COL23A1: variants seen among roughly 807,000 people sequenced by gnomAD.
The protein encoded by COL23A1 is collagen type XXIII alpha 1 chain, also known as collagen alpha-1(XXIII) chain.
COL23A1 carries 97 observed loss-of-function variants against 99.3 expected under a neutral mutation model. The observed-to-expected ratio is 0.98, with a 90% CI of 0.83 to 1.16. The LOEUF is 1.16. Among genes scored for constraint, COL23A1 ranks in the 50% most tolerant of loss-of-function variants. The pLI, the probability that COL23A1 is intolerant of heterozygous loss-of-function variation, is 0.00. For synonymous variants in COL23A1, 320 were observed against 308.2 expected, an observed-to-expected ratio of 1.04 and a Z score of -0.40; for missense variants, 762 against 757.4, an observed-to-expected ratio of 1.01 and a Z score of -0.07.
At chr5:178,558,828 A>G (rs577103415) in intron 2 of COL23A1, among the ~76,000 whole-genome samples, 9 of 150,764 alleles carry the variant, frequency 6.0e-5, no homozygotes, top group Admixed American at 3.3e-4. Flanking sequence ...TCGCTCTGTC[A>G]CCCAGGCTGG....
At chr5:178,452,784 C>A (rs967438853) in intron 2 of COL23A1, among the ~76,000 whole-genome samples, 6 of 152,130 alleles carry the variant, frequency 3.9e-5, no homozygotes, top group African/African-American at 1.4e-4. Context: ...AGATCCAATA[C>A]CTGTTAATAC....
rs73344870 is a variant in COL23A1 at position 178,320,670 on chromosome 5, C to A, written c.362-13751G>T. 4.7e-3 allele frequency among the ~76,000 whole-genome samples: 722 copies of A among 152,346 alleles called. 5 individuals are homozygous for A. Among genetic ancestry groups the A allele is most frequent in the African/African-American group, 0.016 (671 of 41,580 alleles). On this transcript the variant is annotated intron_variant, in intron 2 of 28. Transcript: ENST00000390654. ...AGTTCCCACGCATCCTTGCCTCGCACCCCAGGGGACTTGGGGTGATTCATG... is the reference window on the plus strand; with the variant it reads ...AGTTCCCACGCATCCTTGCCTCGCAACCCAGGGGACTTGGGGTGATTCATG...
intron 2 of COL23A1, among the ~76,000 whole-genome samples, chr5:178,386,008 G>A (rs535592447): frequency 6.6e-6 from 1 of 152,306 alleles, no homozygotes; most frequent in Admixed American, 6.5e-5. Context: ...AAGGCAGAGT[G>A]CATAGAATTT....
chr5:178,426,868 C>T (rs1765967642), intron 2 of COL23A1, among the ~76,000 whole-genome samples: 1 of 152,222 alleles, frequency 6.6e-6, no homozygotes, highest in Non-Finnish European at 1.5e-5. Flanking sequence ...ACGAGAGACG[C>T]TGCCCATCAT....
At chr5:178,367,063 C>T (rs1762522308) in intron 2 of COL23A1, among the ~76,000 whole-genome samples, 1 of 152,232 alleles carries the variant, frequency 6.6e-6, no homozygotes, top group African/African-American at 2.4e-5. Context: ...GGGTTTTGGG[C>T]TGACTGCTGA....
intron 2 of COL23A1, among the ~76,000 whole-genome samples, chr5:178,361,690 C>T (rs181928064): frequency 3.3e-5 from 5 of 152,174 alleles, no homozygotes; most frequent in African/African-American, 1.2e-4. Flanking sequence ...CCTGACGGCT[C>T]CCAATTCTTC....
chr5:178,243,922 C>T (rs1003003025), intron 25 of COL23A1, among the ~76,000 whole-genome samples: 2 of 152,198 alleles, frequency 1.3e-5, no homozygotes, highest in African/African-American at 4.8e-5. Flanking sequence ...AACCCAGCAC[C>T]CCCGTCAGAA....
At chr5:178,379,303 G>A (rs369975385) in intron 2 of COL23A1, among the ~76,000 whole-genome samples, 4 of 152,106 alleles carry the variant, frequency 2.6e-5, no homozygotes, top group Admixed American at 6.6e-5. Context: ...ACTGTTGACC[G>A]TAGATGCTAG....
In COL23A1 at chr5:178,586,172, G is replaced by A. The variant is rs114654230; in HGVS notation, c.294+3732C>T. ...CTGACAGACCCAGGATGCGCTGACC[G>A]TCTTCCAAGCTTCTCCTGTAGTGTG... On this transcript the variant is annotated intron_variant, in intron 1 of 28. Transcript: ENST00000390654. Among the ~76,000 whole-genome samples the A allele has an allele frequency of 1.6e-3, 251 of 152,314 alleles. 1 individual carries two copies. The highest frequency in any genetic ancestry group is 5.6e-3 in the African/African-American group (234 of 41,566).
At chr5:178,529,580 T>G (rs1760524090) in intron 2 of COL23A1, among the ~76,000 whole-genome samples, 1 of 152,212 alleles carries the variant, frequency 6.6e-6, no homozygotes, top group Non-Finnish European at 1.5e-5. Context: ...TTGCTTTATT[T>G]TGTCATGCCA....
intron 2 of COL23A1, among the ~76,000 whole-genome samples, chr5:178,524,636 C>T (rs771709142): frequency 6.6e-6 from 1 of 152,240 alleles, no homozygotes; most frequent in Non-Finnish European, 1.5e-5. Context: ...CACCTGGCCA[C>T]ACCTGCCCAT....
At position 178,258,262 on chromosome 5, in the gene COL23A1, T is replaced by TATACACAC; in HGVS notation, c.730-696_730-695insGTGTGTAT. Among the ~76,000 whole-genome samples, 36 of 104,052 alleles carry TATACACAC rather than the reference T, an allele frequency of 3.5e-4. 2 individuals are homozygous for TATACACAC. Among genetic ancestry groups the TATACACAC allele is most frequent in the Admixed American group, 2.3e-3 (22 of 9,634 alleles). 68.3% of individuals were successfully genotyped at this position (104,052 alleles called of 152,430 possible). Reference sequence around the variant, plus strand: ...ATATATATATATATATATATATATATACACATGCAAATCAATTCTAGGCAC... The same window carrying TATACACAC: ...ATATATATATATATATATATATATATATACACACACACATGCAAATCAATTCTAGGCAC... On this transcript the variant is annotated intron_variant, in intron 12 of 28. Transcript: ENST00000390654.
intron 2 of COL23A1, among the ~76,000 whole-genome samples, chr5:178,410,992 C>A (rs555731002): frequency 6.6e-6 from 1 of 152,030 alleles, no homozygotes; most frequent in Non-Finnish European, 1.5e-5. Context: ...GGACTTGAAT[C>A]GACATTTTGC....
At chr5:178,479,506 T>C (rs1029386041) in intron 2 of COL23A1, among the ~76,000 whole-genome samples, 2 of 152,286 alleles carry the variant, frequency 1.3e-5, no homozygotes, top group East Asian at 1.9e-4. Flanking sequence ...AGCTCTTTAA[T>C]ACACCCCAGG....
intron 2 of COL23A1, among the ~76,000 whole-genome samples, chr5:178,382,300 T>C (rs1314205476): frequency 1.3e-5 from 2 of 152,186 alleles, no homozygotes; most frequent in Non-Finnish European, 2.9e-5. Context: ...GTGGGTCAAC[T>C]GGTCAACCTC....
chr5:178,572,067 C>CAAAAGAAAAAAA (rs1288485909), intron 1 of COL23A1, among the ~76,000 whole-genome samples: 1 of 54,332 alleles, frequency 1.8e-5, no homozygotes, highest in African/African-American at 1.5e-4. Flanking sequence ...GACTCTTTCT[C>CAAAAGAAAAAAA]AAAACAAAAA....
intron 2 of COL23A1, among the ~76,000 whole-genome samples, chr5:178,335,413 C>T (rs962926131): frequency 5.9e-5 from 9 of 152,176 alleles, no homozygotes; most frequent in Non-Finnish European, 8.8e-5. Context: ...ATAGGAAGAG[C>T]GGTCCCCCTG....
chr5:178,250,968 G>A (rs62388746), intron 17 of COL23A1, among the ~76,000 whole-genome samples: 1 of 132,694 alleles, frequency 7.5e-6, no homozygotes, highest in South Asian at 2.4e-4. Context: ...AAAAGAGCAA[G>A]ACTCCGTCTC....
intron 6 of COL23A1, 107 bp from the exon 7 acceptor site, chr5:178,268,863 C>T (rs926959444): frequency 5.0e-5 from 59 of 1,185,720 alleles, no homozygotes; most frequent in Non-Finnish European, 6.4e-5. Context: ...TGATGCTGGG[C>T]GGCTGAGTGG....
Sources: gnomAD v4.1 joint callset for allele counts (sites outside exome capture counted in the v4.1 genomes callset) on GRCh38, gnomAD v4.1.1 for gene constraint, MANE v1.5 for transcripts, NCBI Gene and HGNC (gene_info 2026-07-23, HGNC 2026-07-21) for gene names.